Variants in HIVEP2 observed in about 807,000 individuals in gnomAD.
The protein encoded by HIVEP2 is HIVEP zinc finger 2.
HIVEP2 carries 14 observed loss-of-function variants against 180.7 expected under a neutral mutation model. That is an observed-to-expected ratio of 0.08 (90% CI 0.05 to 0.12). HIVEP2 has a LOEUF of 0.12. Ranked by LOEUF, HIVEP2 falls within the 10% of genes least tolerant of loss-of-function variation. HIVEP2 has a pLI of 1.00. For synonymous variants in HIVEP2, 1,184 were observed against 1,136.4 expected (o/e 1.04, Z -0.84); for missense variants, 2,579 against 3,008.5 (o/e 0.86, Z 3.34).
chr6:142,926,927 G>A (rs1376639473), intron 1 of HIVEP2, among the ~76,000 whole-genome samples: 3 of 152,072 alleles, frequency 2.0e-5, no homozygotes, highest in African/African-American at 7.2e-5. Context: ...CTGCGGAGAC[G>A]TCATTGCATT....
At chr6:142,919,326 G>A (rs940018529) in intron 1 of HIVEP2, among the ~76,000 whole-genome samples, 2 of 152,100 alleles carry the variant, frequency 1.3e-5, no homozygotes, top group Admixed American at 1.3e-4. Context: ...CCTGATAGTT[G>A]TTTTCTTCGC....
intron 2 of HIVEP2, among the ~76,000 whole-genome samples, chr6:142,790,962 C>A (rs1355728099): frequency 3.3e-5 from 5 of 152,108 alleles, no homozygotes; most frequent in Non-Finnish European, 7.4e-5. Context: ...CAATAAAAAT[C>A]TCTCAAAAAG....
intron 2 of HIVEP2, among the ~76,000 whole-genome samples, chr6:142,822,005 A>T (rs765031028): frequency 2.0e-5 from 3 of 152,174 alleles, no homozygotes; most frequent in Non-Finnish European, 2.9e-5. Context: ...TAATCAAAGT[A>T]CTCATCAAAG....
rs749615937 is a variant in HIVEP2 at position 142,753,373 on chromosome 6, G to C, written c.7075C>G (p.Gln2359Glu). The C allele has an allele frequency of 4.3e-6, 7 of 1,614,020 alleles. No homozygotes were observed. The highest frequency in any genetic ancestry group is 2.2e-5 in the East Asian group (1 of 44,880). Residue 2359 changes from glutamine to glutamate, a missense_variant, in exon 10 of 10, where the codon CAG becomes GAG. Gln to Glu is a conservative substitution (Grantham distance 29). Around this residue, in one of 11 missense-constraint regions of HIVEP2, gnomAD observed 660 missense variants for 731.7 expected, o/e 0.90. Coordinates refer to ENST00000367603, the MANE Select transcript of HIVEP2 (RefSeq NM_006734.4). Reference protein sequence around the residue: ...DQPARVQEPHQNPLGSAHVSI... With the variant: ...DQPARVQEPHENPLGSAHVSI... Reference sequence around the variant, plus strand: ...ACATGTGCACTTCCCAGGGGGTTCTGGTGGGGCTCCTGCACCCGCGCTGGC... The same window carrying C: ...ACATGTGCACTTCCCAGGGGGTTCTCGTGGGGCTCCTGCACCCGCGCTGGC...
intron 2 of HIVEP2, among the ~76,000 whole-genome samples, chr6:142,792,051 G>C (rs142352133): frequency 4.6e-5 from 7 of 152,272 alleles, no homozygotes; most frequent in Non-Finnish European, 1.0e-4. Context: ...GACAAGAGAA[G>C]GGGTATTGGA....
At chr6:142,810,002 T>C (rs1273873371) in intron 2 of HIVEP2, among the ~76,000 whole-genome samples, 1 of 152,204 alleles carries the variant, frequency 6.6e-6, no homozygotes, top group Non-Finnish European at 1.5e-5. Flanking sequence ...GGCTTTACAG[T>C]CAGGCAGCCC....
In HIVEP2 at chr6:142,759,919, G is replaced by A. The variant is rs767215295; in HGVS notation, c.6369C>T (p.Ile2123=). 10 of 1,614,082 alleles carry A rather than the reference G, an allele frequency of 6.2e-6. No homozygotes were observed. Among genetic ancestry groups the A allele is most frequent in the Non-Finnish European group, 8.5e-6 (10 of 1,180,010 alleles). Residue 2123 remains isoleucine (I), a synonymous_variant, in exon 9 of 10, where the codon ATC becomes ATT. Transcript: ENST00000367603. Reference sequence around the variant, plus strand: ...TAGGAGAGAGGTCTCTTCTTGCTGTGATATCTTTCCCAGGAGACACTGGCC... The same window carrying A: ...TAGGAGAGAGGTCTCTTCTTGCTGTAATATCTTTCCCAGGAGACACTGGCC... ...PRRPVSPGKD[I]TARRDLSPRR...
intron 1 of HIVEP2, among the ~76,000 whole-genome samples, chr6:142,893,748 C>T (rs1439190924): frequency 1.3e-5 from 2 of 152,142 alleles, no homozygotes; most frequent in Non-Finnish European, 2.9e-5. Flanking sequence ...AGTGTGTAAC[C>T]TCTTAACCTG....
intron 2 of HIVEP2, among the ~76,000 whole-genome samples, chr6:142,816,041 A>G (rs1248020719): frequency 6.6e-6 from 1 of 152,212 alleles, no homozygotes; most frequent in Non-Finnish European, 1.5e-5. Flanking sequence ...GGAGACACAA[A>G]GCATGCAGGT....
Position 142,753,498 on chromosome 6 carries a change from G to A in HIVEP2, c.6950C>T (p.Ala2317Val). The A allele has an allele frequency of 1.9e-6, 3 of 1,614,132 alleles. No homozygotes were observed. The highest frequency in any genetic ancestry group is 2.5e-6 in the Non-Finnish European group (3 of 1,180,044). ...KQSTSEDSLN[A>V]TEREQEENIQ... ...ATTTTCCTCCTGTTCCCGCTCTGTTGCGTTTAGGCTGTCTTCCGAAGTGCT... is the reference window on the plus strand; with the variant it reads ...ATTTTCCTCCTGTTCCCGCTCTGTTACGTTTAGGCTGTCTTCCGAAGTGCT... The change falls in exon 10 of 10, where the codon GCA becomes GTA. Residue 2317 changes from alanine (A) to valine (V), a missense_variant. By Grantham distance (64) the Ala-to-Val change is moderately conservative. This residue lies in a region of HIVEP2 where 660 missense variants were observed against 731.7 expected (regional missense o/e 0.90). Transcript: ENST00000367603.
intron 1 of HIVEP2, among the ~76,000 whole-genome samples, chr6:142,942,565 T>C (rs1175885382): frequency 6.6e-6 from 1 of 152,212 alleles, no homozygotes; most frequent in Non-Finnish European, 1.5e-5. Context: ...TCAAAGAGAA[T>C]TATTTTCCTA....
intron 1 of HIVEP2, among the ~76,000 whole-genome samples, chr6:142,857,519 C>T (rs879618862): frequency 2.0e-5 from 3 of 152,212 alleles, no homozygotes; most frequent in Admixed American, 6.5e-5. Context: ...AATCCACAGA[C>T]GGCTGCATCA....
chr6:142,764,224 A>C (rs556635804), intron 7 of HIVEP2, among the ~76,000 whole-genome samples: 70 of 152,328 alleles, frequency 4.6e-4, no homozygotes, highest in Non-Finnish European at 7.9e-4. Flanking sequence ...TTTAAAAAAA[A>C]ATTTTAAGGC....
intron 1 of HIVEP2, among the ~76,000 whole-genome samples, chr6:142,842,605 A>G (rs1290678740): frequency 6.6e-6 from 1 of 152,198 alleles, no homozygotes; most frequent in Non-Finnish European, 1.5e-5. Context: ...GTGCTTCTCC[A>G]CTTTCCTGAA....
At position 142,769,607 on chromosome 6, in the gene HIVEP2, T is replaced by G; in HGVS notation, c.5132A>C (p.His1711Pro). The change falls in exon 5 of 10, where the codon CAT becomes CCT. Residue 1711 changes from histidine to proline, a missense_variant. Transcript: ENST00000367603. ...TGTAAGCTTGCCGGTTCCAGGCCTA[T>G]GCATAGCAGCCAGAGTATAAATTTC... ...TAEIYTLAAM[H>P]RPGTGKLTSS... 1 of 1,614,212 alleles carries G rather than the reference T, an allele frequency of 6.2e-7. No individual in the cohort carries two copies. The highest frequency in any genetic ancestry group is 8.5e-7 in the Non-Finnish European group (1 of 1,180,032).
At chr6:142,848,179 G>T (rs1368754084) in intron 1 of HIVEP2, among the ~76,000 whole-genome samples, 2 of 152,170 alleles carry the variant, frequency 1.3e-5, no homozygotes, top group Non-Finnish European at 1.5e-5. Flanking sequence ...TGAAGCTACT[G>T]CACCAAGAAT....
intron 8 of HIVEP2, 94 bp from the exon 9 acceptor site, chr6:142,760,761 A>T (rs1479635588): frequency 5.7e-6 from 5 of 870,830 alleles, no homozygotes; most frequent in Non-Finnish European, 6.9e-6. Flanking sequence ...CGCTTTTCCC[A>T]ATCCCTAGTG....
intron 9 of HIVEP2, among the ~76,000 whole-genome samples, chr6:142,757,589 T>A (rs1345031572): frequency 6.6e-6 from 1 of 151,892 alleles, no homozygotes; most frequent in African/African-American, 2.4e-5. Context: ...ACCCAGGAGG[T>A]GGAGGTTGCA....
rs758213268 is a variant in HIVEP2 at position 142,771,944 on chromosome 6, G to T, written c.2795C>A (p.Ala932Glu). ...QRSETLSQLP[A>E]EKLPPKKKRL... ...CTTCTTTTTGGGTGGCAACTTCTCC[G>T]CGGGGAGCTGGGAAAGGGTCTCACT... is the stretch of plus-strand genomic sequence containing the variant. Residue 932 changes from alanine (A) to glutamate (E), a missense_variant, in exon 5 of 10, where the codon GCG becomes GAG. Ala to Glu is a moderately radical substitution (Grantham distance 107). Transcript: ENST00000367603. This position sits in a 1 kb window ranked among gnomAD's most constrained non-coding sequence, Gnocchi z 5.4. The T allele has an allele frequency of 6.2e-7, 1 of 1,614,194 alleles. No individual in the cohort carries two copies.
Sources: allele counts gnomAD v4.1 joint callset (sites outside exome capture counted in the v4.1 genomes callset), GRCh38; gene constraint gnomAD v4.1.1; regional missense constraint gnomAD v4.1.1; non-coding constraint Gnocchi (gnomAD v3.1); transcripts MANE v1.5; gene names NCBI Gene and HGNC (gene_info 2026-07-23, HGNC 2026-07-21).